The following CHN2 variants were observed in gnomAD, a reference collection of about 807,000 sequenced individuals.
The protein encoded by CHN2 is beta-chimaerin.
CHN2 carries 35 observed loss-of-function variants against 56.3 expected under a neutral mutation model. That is an observed-to-expected ratio of 0.62 (90% CI 0.47 to 0.82). The LOEUF (loss-of-function observed/expected upper bound fraction) is 0.82, where lower values mean the gene tolerates loss of function less well. CHN2 is among the 40% of genes least tolerant of loss of function. The pLI is 0.00. For synonymous variants in CHN2, 210 were observed against 212.8 expected, an observed-to-expected ratio of 0.99 and a Z score of 0.12; for missense variants, 491 against 580.5, an observed-to-expected ratio of 0.85 and a Z score of 1.58.
At chr7:29,368,418 AAAT>A (rs940262916) in intron 3 of CHN2, among the ~76,000 whole-genome samples, 2 of 152,142 alleles carry the variant, frequency 1.3e-5, no homozygotes, top group African/African-American at 4.8e-5. Flanking sequence ...TGACATTTTA[AAAT>A]AATAAAGCCT....
At chr7:29,213,911 T>A (rs1785144176) in intron 1 of CHN2, among the ~76,000 whole-genome samples, 2 of 152,192 alleles carry the variant, frequency 1.3e-5, no homozygotes, top group Non-Finnish European at 2.9e-5. Flanking sequence ...ACTGCATTAC[T>A]GTAATCTTTG....
At chr7:29,343,023 G>T (rs1797162294) in intron 1 of CHN2, among the ~76,000 whole-genome samples, 1 of 152,204 alleles carries the variant, frequency 6.6e-6, no homozygotes, top group Non-Finnish European at 1.5e-5. Context: ...ATGAATAAAT[G>T]AATACCCAAA....
chr7:29,381,249 G>T (rs937405668), intron 3 of CHN2, among the ~76,000 whole-genome samples: 7 of 152,072 alleles, frequency 4.6e-5, no homozygotes, highest in Non-Finnish European at 1.0e-4. Context: ...GGCCTCCTGG[G>T]GATCTGGCTT....
At chr7:29,296,458 A>G (rs1355683817) in intron 1 of CHN2, among the ~76,000 whole-genome samples, 1 of 152,210 alleles carries the variant, frequency 6.6e-6, no homozygotes, top group Non-Finnish European at 1.5e-5. Context: ...CTGTATTTGT[A>G]AGGATTCTCA....
chr7:29,183,273 A>G (rs1274142587), intron 2 of CHN2, among the ~76,000 whole-genome samples: 2 of 151,916 alleles, frequency 1.3e-5, no homozygotes, highest in Non-Finnish European at 2.9e-5. Context: ...CAGTAGAGAC[A>G]GGGTTTCTCC....
At chr7:29,300,452 A>ACACT (rs1320345331) in intron 1 of CHN2, among the ~76,000 whole-genome samples, 2 of 151,146 alleles carry the variant, frequency 1.3e-5, no homozygotes, top group Non-Finnish European at 3.0e-5. Context: ...TGGGCCTTTG[A>ACACT]CACTGGCTTC....
At chr7:29,257,922 G>C (rs1393342796) in intron 1 of CHN2, among the ~76,000 whole-genome samples, 1 of 152,006 alleles carries the variant, frequency 6.6e-6, no homozygotes, top group Non-Finnish European at 1.5e-5. Flanking sequence ...AGAGTAGCTG[G>C]GACTACAGGC....
chr7:29,451,570 TATTA>T (rs3047968), intron 6 of CHN2, among the ~76,000 whole-genome samples: 10,435 of 152,244 alleles, frequency 0.069, 596 homozygotes, highest in African/African-American at 0.17. Context: ...ATTACAAATT[TATTA>T]ATTAATCACA....
At chr7:29,263,358 G>A (rs1455549005) in intron 1 of CHN2, among the ~76,000 whole-genome samples, 2 of 152,204 alleles carry the variant, frequency 1.3e-5, no homozygotes, top group African/African-American at 4.8e-5. Context: ...GGAGTGCAGT[G>A]GCGTGATCTC....
rs762759837 is a variant in CHN2 at position 29,499,934 on chromosome 7, G to A, written c.807G>A (p.Lys269=). The A allele has an allele frequency of 3.1e-6, 5 of 1,613,084 alleles. No individual in the cohort carries two copies. Among genetic ancestry groups the A allele is most frequent in the Non-Finnish European group, 3.4e-6 (4 of 1,179,680 alleles). The stretch of plus-strand genomic sequence containing the variant: ...CCAATGACTGCCAACCTGATCTCAA[G>A]AGGATCAAGAAAGTGTACTGTTGTG... The part of the protein sequence containing the change: ...HVPNDCQPDL[K]RIKKVYCCDL... Residue 269 remains lysine (K), a synonymous_variant, in exon 9 of 13, where the codon AAG becomes AAA. Coordinates refer to ENST00000222792, the MANE Select transcript of CHN2 (RefSeq NM_004067.4).
At chr7:29,175,900 A>AG (rs939043431) in intron 2 of CHN2, among the ~76,000 whole-genome samples, 4 of 152,158 alleles carry the variant, frequency 2.6e-5, no homozygotes, top group Non-Finnish European at 5.9e-5. Context: ...ATTGAAAAAA[A>AG]GACCAGACGG....
At chr7:29,509,832 G>GAGA (rs1309106626) in intron 12 of CHN2, among the ~76,000 whole-genome samples, 4 of 138,474 alleles carry the variant, frequency 2.9e-5, no homozygotes, top group Non-Finnish European at 6.3e-5. Flanking sequence ...GCAACAGAGC[G>GAGA]AGACTCCATC....
chr7:29,460,786 T>C (rs1167665179), intron 6 of CHN2, among the ~76,000 whole-genome samples: 1 of 152,196 alleles, frequency 6.6e-6, no homozygotes, highest in Non-Finnish European at 1.5e-5. Context: ...CTTGGCTGCA[T>C]AGGCACAGGG....
intron 1 of CHN2, among the ~76,000 whole-genome samples, chr7:29,246,206 G>T (rs1562861710): frequency 6.6e-6 from 1 of 152,152 alleles, no homozygotes; most frequent in Non-Finnish European, 1.5e-5. Flanking sequence ...CAACCTGTAG[G>T]ATTTATGCTG....
intron 1 of CHN2, among the ~76,000 whole-genome samples, chr7:29,244,943 G>A (rs1453087350): frequency 1.3e-5 from 2 of 152,118 alleles, no homozygotes; most frequent in African/African-American, 4.8e-5. Context: ...TTCTCTCCCA[G>A]TGTGACCTTA....
chr7:29,230,950 TGCCAGCAAGCATTTGTATTAG>T (rs1460095186), intron 1 of CHN2, among the ~76,000 whole-genome samples: 4 of 152,212 alleles, frequency 2.6e-5, no homozygotes, highest in Non-Finnish European at 5.9e-5. Context: ...TACCTTATGG[TGCCAGCAAGCATTTGTATTAG>T]GCCCGTTTTG....
exon 1 of CHN2, chr7:29,146,717 A>G: frequency 6.4e-7 from 1 of 1,550,644 alleles, no homozygotes; most frequent in Non-Finnish European, 8.7e-7. Flanking sequence ...TTAAAAATTA[A>G]TGAAGAGCAT....
chr7:29,287,132 A>AC (rs1792211068), intron 1 of CHN2, among the ~76,000 whole-genome samples: 1 of 152,118 alleles, frequency 6.6e-6, no homozygotes, highest in African/African-American at 2.4e-5. Context: ...GCCAATCAGA[A>AC]CCTTATATTC....
intron 6 of CHN2, among the ~76,000 whole-genome samples, chr7:29,473,482 T>TTTTTTTGTGTG (rs539151442): frequency 2.0e-4 from 24 of 118,192 alleles, no homozygotes; most frequent in African/African-American, 7.6e-4. Flanking sequence ...TTTTTTTTTT[T>TTTTTTTGTGTG]TGTGTGTGTG....
Sources: gnomAD v4.1 joint callset for allele counts (sites outside exome capture counted in the v4.1 genomes callset) on GRCh38, gnomAD v4.1.1 for gene constraint, MANE v1.5 for transcripts, NCBI Gene and HGNC (gene_info 2026-07-23, HGNC 2026-07-21) for gene names.